VPS13D: variants seen among roughly 807,000 people sequenced by gnomAD.
VPS13D encodes the protein intermembrane lipid transfer protein VPS13D.
VPS13D carries 187 observed loss-of-function variants against 461.9 expected under a neutral mutation model. That is an observed-to-expected ratio of 0.40 (90% confidence interval 0.36 to 0.46). The LOEUF is 0.46. VPS13D is among the 20% of genes least tolerant of loss of function. VPS13D has a pLI of 0.60. For synonymous variants in VPS13D, 1,951 were observed against 1,986.3 expected, an observed-to-expected ratio of 0.98 and a Z score of 0.47; for missense variants, 4,711 against 5,364.9, an observed-to-expected ratio of 0.88 and a Z score of 3.81.
intron 67 of VPS13D, among the ~76,000 whole-genome samples, chr1:12,491,845 T>C (rs1471403950): frequency 6.6e-6 from 1 of 152,232 alleles, no homozygotes; most frequent in East Asian, 1.9e-4. Flanking sequence ...TTCTATACAC[T>C]GTGAAATTTG....
At chr1:12,321,280 G>A (rs1360782896) in intron 32 of VPS13D, among the ~76,000 whole-genome samples, 1 of 152,126 alleles carries the variant, frequency 6.6e-6, no homozygotes, top group Non-Finnish European at 1.5e-5. Flanking sequence ...ATTGTGAGGA[G>A]GGAAAATAAT....
intron 67 of VPS13D, among the ~76,000 whole-genome samples, chr1:12,477,368 T>C (rs1645646240): frequency 6.6e-6 from 1 of 152,152 alleles, no homozygotes; most frequent in Non-Finnish European, 1.5e-5. Flanking sequence ...GTAGCCTCAT[T>C]TTACAGGTGG....
At chr1:12,449,878 A>G (rs774404318) in intron 65 of VPS13D, among the ~76,000 whole-genome samples, 8 of 152,194 alleles carry the variant, frequency 5.3e-5, no homozygotes, top group Non-Finnish European at 1.0e-4. Flanking sequence ...TAATCCTAGC[A>G]CCTCGTGGGG....
chr1:12,339,494 A>G (rs1299490411), intron 40 of VPS13D, among the ~76,000 whole-genome samples: 2 of 152,214 alleles, frequency 1.3e-5, no homozygotes, highest in African/African-American at 2.4e-5. Flanking sequence ...TTGAAGCTGA[A>G]CTTGGATACG....
intron 67 of VPS13D, among the ~76,000 whole-genome samples, chr1:12,481,502 TAGA>T (rs1264327527): frequency 1.3e-5 from 2 of 152,360 alleles, no homozygotes; most frequent in African/African-American, 4.8e-5. Flanking sequence ...TCTTGTTTCC[TAGA>T]AGGACAAGTG....
rs545430733 is a variant in VPS13D, at chr1:12,360,633, T to C, written c.10141+2032T>C. ...CTATGATAATGTTGATTTCTGACAATGAAAGCTTCTCTGCATGTCACAGAA... is the reference window on the plus strand; with the variant it reads ...CTATGATAATGTTGATTTCTGACAACGAAAGCTTCTCTGCATGTCACAGAA... On this transcript the variant is annotated intron_variant, in intron 50 of 69. Transcript: ENST00000620676. Among the ~76,000 whole-genome samples, 5 of 152,358 alleles carry C rather than the reference T, an allele frequency of 3.3e-5. No individual in the cohort carries two copies. The South Asian group carries it at 1.0e-3, about 32-fold the overall frequency.
chr1:12,345,293 A>G, intron 42 of VPS13D, 81 bp from the exon 43 acceptor site: 1 of 1,503,678 alleles, frequency 6.7e-7, no homozygotes, highest in Non-Finnish European at 9.0e-7. Flanking sequence ...TATGTACTAA[A>G]TCAGATTTGT....
intron 60 of VPS13D, among the ~76,000 whole-genome samples, chr1:12,388,899 A>G (rs1644385999): frequency 6.6e-6 from 1 of 152,242 alleles, no homozygotes; most frequent in Non-Finnish European, 1.5e-5. Flanking sequence ...AATGAGAATG[A>G]CTAGATTAAC....
At chr1:12,270,340 C>G (rs1273804380) in intron 16 of VPS13D, among the ~76,000 whole-genome samples, 1 of 151,278 alleles carries the variant, frequency 6.6e-6, no homozygotes, top group Non-Finnish European at 1.5e-5. Context: ...ACCTGTAATC[C>G]CAGCTACTCG....
intron 63 of VPS13D, among the ~76,000 whole-genome samples, chr1:12,412,227 C>G (rs1183900377): frequency 2.6e-5 from 4 of 152,224 alleles, no homozygotes; most frequent in African/African-American, 9.6e-5. Context: ...GTTGTCGTTG[C>G]TCCTCAAATT....
intron 31 of VPS13D, among the ~76,000 whole-genome samples, chr1:12,318,736 G>T (rs1193637809): frequency 6.6e-6 from 1 of 152,162 alleles, no homozygotes; most frequent in Non-Finnish European, 1.5e-5. Context: ...TAAGTGAGGA[G>T]ATTTTTATTT....
intron 63 of VPS13D, 119 bp downstream of exon 63, chr1:12,404,092 T>A: frequency 4.2e-6 from 3 of 716,704 alleles, no homozygotes. Context: ...TCCCTCATCA[T>A]CATTCATAGC....
intron 3 of VPS13D, among the ~76,000 whole-genome samples, chr1:12,242,928 C>T (rs1416562290): frequency 1.3e-5 from 2 of 151,872 alleles, no homozygotes; most frequent in Non-Finnish European, 2.9e-5. Context: ...CTTTTCTTTC[C>T]CCTTTCCCTT....
At position 12,383,087 on chromosome 1, in the gene VPS13D, A is replaced by C; in HGVS notation, c.11302A>C (p.Lys3768Gln). ...ACCTGAACAACAATTTATTAATCAA[A>C]AAATGAGACCTGGTTCTGGAATGTT... ...VPPEQQFINQ[K>Q]MRPGSGMLSI... Residue 3768 changes from lysine (K) to glutamine (Q), a missense_variant, in exon 58 of 70, where the codon AAA (lysine) becomes CAA (glutamine). By Grantham distance (53) the Lys-to-Gln change is moderately conservative (BLOSUM62 1). Coordinates refer to ENST00000620676, the MANE Select transcript of VPS13D (RefSeq NM_015378.4). 1 of 1,614,198 alleles carries C rather than the reference A, an allele frequency of 6.2e-7. No homozygotes were observed. The highest frequency in any genetic ancestry group is 8.5e-7 in the Non-Finnish European group (1 of 1,180,034).
In VPS13D at chr1:12,273,046, C is replaced by G; in HGVS notation, c.2147C>G (p.Pro716Arg). 1.2e-6 allele frequency: 2 copies of G among 1,614,064 alleles called. No homozygotes were observed. The highest frequency in any genetic ancestry group is 1.7e-6 in the Non-Finnish European group (2 of 1,179,980). Residue 716 changes from proline (P) to arginine (R), a missense_variant, in exon 18 of 70, where the codon CCT (proline) becomes CGT (arginine). Pro to Arg is a moderately radical substitution (Grantham distance 103). Coordinates refer to ENST00000620676, the MANE Select transcript of VPS13D (RefSeq NM_015378.4). The stretch of plus-strand genomic sequence containing the variant: ...ACCGTGCGGCTGGATATTTCTGCCC[C>G]TCAGGTGATATTTCCTGATGATTTC... ...RWTVRLDISA[P>R]QVIFPDDFKF...
At chr1:12,258,237 G>T in intron 10 of VPS13D, 134 bp downstream of exon 10, 1 of 1,135,544 alleles carries the variant, frequency 8.8e-7, no homozygotes. Flanking sequence ...GGATAGAGTT[G>T]GTCTTAGTAG....
Position 12,368,430 on chromosome 1 carries a change from A to G in VPS13D, c.10449-38A>G, listed in dbSNP as rs761418073. 1.9e-6 allele frequency: 3 copies of G among 1,572,386 alleles called. No individual in the cohort carries two copies. The South Asian group carries it at 3.5e-5, about 19-fold the overall frequency. Reference sequence around the variant, plus strand: ...GTAAGTGGATGGCATCTTGTCTCCTACATTTTATGTAGCCTCTTTTGTTTC... The same window carrying G: ...GTAAGTGGATGGCATCTTGTCTCCTGCATTTTATGTAGCCTCTTTTGTTTC... On this transcript the variant is annotated intron_variant, in intron 52 of 69. Transcript: ENST00000620676.
chr1:12,360,848 T>C (rs1021092756), intron 50 of VPS13D, among the ~76,000 whole-genome samples: 3 of 152,220 alleles, frequency 2.0e-5, no homozygotes, highest in Admixed American at 6.5e-5. Flanking sequence ...ATATTTATAA[T>C]TGGGATTGTG....
In VPS13D at chr1:12,362,719, G is replaced by C. The variant is rs1557733624; in HGVS notation, c.10142-1G>C. On this transcript the variant is annotated splice_acceptor_variant, in intron 50 of 69. Coordinates refer to ENST00000620676, the MANE Select transcript of VPS13D (RefSeq NM_015378.4). LOFTEE classifies it high-confidence loss of function. ...ATAAAAGTGGTTCTTGTTATTTGTA[G>C]GTATTGATGTCAAGAAAGGCCGAGG... 6.2e-7 allele frequency: 1 copy of C among 1,613,150 alleles called. No individual in the cohort carries two copies. The highest frequency in any genetic ancestry group is 2.2e-5 in the East Asian group (1 of 44,866).
Sources: gnomAD v4.1 joint callset for allele counts (sites outside exome capture counted in the v4.1 genomes callset) on GRCh38, gnomAD v4.1.1 for gene constraint, MANE v1.5 for transcripts, NCBI Gene and HGNC (gene_info 2026-07-23, HGNC 2026-07-21) for gene names.